The following RAB5A variants were observed in gnomAD, a reference collection of about 807,000 sequenced individuals.
RAB5A encodes ras-related protein Rab-5A.
Under a neutral mutation model 25.7 loss-of-function variants are expected in RAB5A, and 8 were observed. That is an observed-to-expected ratio of 0.31 (90% CI 0.18 to 0.56). RAB5A has a LOEUF of 0.56. Among genes scored for constraint, RAB5A ranks in the 20% least tolerant of loss-of-function variants. The pLI is 0.91. For synonymous variants in RAB5A, 98 were observed against 89.8 expected, an observed-to-expected ratio of 1.09 and a Z score of -0.52; for missense variants, 192 against 259.7, an observed-to-expected ratio of 0.74 and a Z score of 1.79.
At chr3:19,971,679 C>T (rs552952045) in intron 2 of RAB5A, among the ~76,000 whole-genome samples, 27 of 152,108 alleles carry the variant, frequency 1.8e-4, no homozygotes, top group Admixed American at 4.6e-4. Flanking sequence ...TTCGCCATAC[C>T]GGTCAGGCTG....
chr3:19,957,492 A>T (rs1351662890), intron 2 of RAB5A, among the ~76,000 whole-genome samples: 3 of 13,428 alleles, frequency 2.2e-4, no homozygotes, highest in Admixed American at 4.1e-4. Flanking sequence ...ATCCTTACTA[A>T]AAAAAAAAAA....
chr3:19,964,889 C>G (rs1696639394), intron 2 of RAB5A, among the ~76,000 whole-genome samples: 2 of 151,892 alleles, frequency 1.3e-5, no homozygotes, highest in Non-Finnish European at 2.9e-5. Flanking sequence ...CAGACGGGAG[C>G]TACCATGCCT....
intron 5 of RAB5A, among the ~76,000 whole-genome samples, chr3:19,980,382 TAAAAGA>T (rs1198209217): frequency 6.6e-6 from 1 of 152,170 alleles, no homozygotes; most frequent in Non-Finnish European, 1.5e-5. Context: ...TTGCACTTCT[TAAAAGA>T]AAATCTATGT....
In RAB5A at chr3:19,984,252, A is replaced by C. The variant is rs1011333515; in HGVS notation, c.*429A>C. 7.0e-6 allele frequency: 3 copies of C among 428,422 alleles called. No homozygotes were observed. Among genetic ancestry groups the C allele is most frequent in the African/African-American group, 6.3e-5 (3 of 47,706 alleles). 26.5% of individuals were successfully genotyped at this position (428,422 alleles called of 1,614,324 possible). On this transcript the variant is annotated 3_prime_UTR_variant, in exon 6 of 6. Transcript: ENST00000273047. ...GAAGGAGATTCTAAAGTTATTTATG[A>C]TGCTTAGCCATAGTATTCAGGCAAA...
intron 3 of RAB5A, 25 bp from the exon 4 acceptor site, chr3:19,976,022 C>T (rs1011232933): frequency 1.2e-6 from 2 of 1,601,736 alleles, no homozygotes; most frequent in Non-Finnish European, 1.7e-6. Flanking sequence ...AGCCTGTGCT[C>T]AATGGCTGTT....
intron 2 of RAB5A, among the ~76,000 whole-genome samples, chr3:19,967,527 C>G (rs1357878446): frequency 6.6e-6 from 1 of 152,146 alleles, no homozygotes. Flanking sequence ...CTTTCAGTCC[C>G]TTATCAGATG....
intron 2 of RAB5A, among the ~76,000 whole-genome samples, chr3:19,955,089 C>G (rs1173521440): frequency 6.6e-6 from 1 of 152,108 alleles, no homozygotes; most frequent in Admixed American, 6.5e-5. Context: ...AGTAAATACT[C>G]TCAAAAAATA....
chr3:19,963,888 G>A (rs1188434522), intron 2 of RAB5A, among the ~76,000 whole-genome samples: 3 of 152,122 alleles, frequency 2.0e-5, no homozygotes, highest in Non-Finnish European at 4.4e-5. Flanking sequence ...ATCTTCCTGA[G>A]ACAGGAATCC....
At chr3:19,962,966 A>G (rs1246986204) in intron 2 of RAB5A, among the ~76,000 whole-genome samples, 2 of 152,010 alleles carry the variant, frequency 1.3e-5, no homozygotes, top group African/African-American at 4.8e-5. Context: ...GTATGCACCA[A>G]CACACTTGGC....
At chr3:19,983,645 C>A in intron 5 of RAB5A, 63 bp from the exon 6 acceptor site, 2 of 1,054,742 alleles carry the variant, frequency 1.9e-6, no homozygotes, top group Non-Finnish European at 2.9e-6. Context: ...TATAGATAAG[C>A]AGGTGAAACT....
chr3:19,972,899 C>T (rs1406539354), intron 2 of RAB5A, among the ~76,000 whole-genome samples: 1 of 152,000 alleles, frequency 6.6e-6, no homozygotes, highest in Non-Finnish European at 1.5e-5. Flanking sequence ...TACAGTTGGC[C>T]CTCTGAATCT....
chr3:19,971,588 C>T (rs764294680), intron 2 of RAB5A, among the ~76,000 whole-genome samples: 46 of 152,122 alleles, frequency 3.0e-4, no homozygotes, highest in Admixed American at 2.2e-3. Context: ...TCTCCTGCCT[C>T]AGCCTTCCGA....
At chr3:19,957,929 A>G (rs1250685317) in intron 2 of RAB5A, among the ~76,000 whole-genome samples, 1 of 152,184 alleles carries the variant, frequency 6.6e-6, no homozygotes, top group Non-Finnish European at 1.5e-5. Context: ...CAGAAAAGCT[A>G]GCCAGAAAAT....
intron 2 of RAB5A, among the ~76,000 whole-genome samples, chr3:19,969,045 G>GTTTT (rs386396075): frequency 0.013 from 1,355 of 103,020 alleles, 48 homozygotes; most frequent in Middle Eastern, 0.017. Flanking sequence ...TTTTTTTTTG[G>GTTTT]TTTTTTTTTT....
intron 2 of RAB5A, among the ~76,000 whole-genome samples, chr3:19,952,074 C>T (rs1696432876): frequency 6.6e-6 from 1 of 152,096 alleles, no homozygotes; most frequent in Admixed American, 6.6e-5. Flanking sequence ...TTTAGCTGGA[C>T]ATGGTGGTGC....
rs151258629 is a variant in RAB5A at position 19,974,722 on chromosome 3, G to GAAAAAAAAAAA, written c.164-874_164-873insAAAAAAAAAAA. ...GGAGATAGAGCAAGACTGTGTCTCAGAAAAAGAAAAAAAAAGATAATATAA... is the reference window on the plus strand; with the variant it reads ...GGAGATAGAGCAAGACTGTGTCTCAGAAAAAAAAAAAAAAAAGAAAAAAAAAGATAATATAA... On this transcript the variant is annotated intron_variant, in intron 2 of 5. Coordinates refer to ENST00000273047, the MANE Select transcript of RAB5A (RefSeq NM_004162.5). 9.2e-4 allele frequency among the ~76,000 whole-genome samples: 130 copies of GAAAAAAAAAAA among 141,816 alleles called. 1 individual carries two copies. Among genetic ancestry groups the GAAAAAAAAAAA allele is most frequent in the Non-Finnish European group, 1.2e-3 (78 of 65,684 alleles). 93.0% of individuals were successfully genotyped at this position (141,816 alleles called of 152,430 possible).
intron 2 of RAB5A, among the ~76,000 whole-genome samples, chr3:19,969,031 G>GTGTT (rs1559490064): frequency 1.0e-5 from 1 of 99,702 alleles, no homozygotes; most frequent in African/African-American, 5.0e-5. Flanking sequence ...TTTGGTTTTG[G>GTGTT]TTTTTTTTTT....
intron 2 of RAB5A, among the ~76,000 whole-genome samples, chr3:19,952,618 A>C (rs933487802): frequency 2.0e-5 from 3 of 152,194 alleles, no homozygotes; most frequent in African/African-American, 7.2e-5. Flanking sequence ...ATCTTGTTAA[A>C]ATGTTATATT....
chr3:19,959,498 A>G (rs1410450110), intron 2 of RAB5A, among the ~76,000 whole-genome samples: 14 of 152,012 alleles, frequency 9.2e-5, no homozygotes, highest in African/African-American at 2.9e-4. Flanking sequence ...GAAGATATAC[A>G]TAGAAAGTGG....
Sources: gnomAD v4.1 joint callset for allele counts (sites outside exome capture counted in the v4.1 genomes callset) on GRCh38, gnomAD v4.1.1 for gene constraint, MANE v1.5 for transcripts, NCBI Gene and HGNC (gene_info 2026-07-23, HGNC 2026-07-21) for gene names.